EVL: variants seen among roughly 807,000 people sequenced by gnomAD.
The protein encoded by EVL is ena/VASP-like protein.
In EVL, 21 loss-of-function variants were observed where a neutral mutation model predicts 59.6. That is an observed-to-expected ratio of 0.35 (90% CI 0.25 to 0.51). The LOEUF (loss-of-function observed/expected upper bound fraction) is 0.51. Among genes scored for constraint, EVL ranks in the 20% least tolerant of loss-of-function variants. The pLI is 0.97. For missense variants in EVL, 462 were observed against 546.6 expected (o/e 0.85, Z 1.54); for synonymous variants, 198 against 203.5 (o/e 0.97, Z 0.23).
intron 1 of EVL, among the ~76,000 whole-genome samples, chr14:100,078,725 A>G (rs1262672695): frequency 1.3e-5 from 2 of 152,078 alleles, no homozygotes; most frequent in African/African-American, 4.8e-5. Flanking sequence ...GTGGTGAAAG[A>G]TAAAGGAGTT....
chr14:100,003,782 A>G (rs980526205), intron 1 of EVL, among the ~76,000 whole-genome samples: 3 of 152,232 alleles, frequency 2.0e-5, no homozygotes, highest in Admixed American at 6.5e-5. Flanking sequence ...ACCAAATTTA[A>G]TAATAATGGC....
At chr14:100,001,431 GTC>G (rs979272481) in intron 1 of EVL, among the ~76,000 whole-genome samples, 1 of 152,160 alleles carries the variant, frequency 6.6e-6, no homozygotes, top group East Asian at 1.9e-4. Context: ...AATAGAATTC[GTC>G]TCTCTCTCCA....
intron 10 of EVL, 42 bp downstream of exon 10, chr14:100,137,686 G>A: frequency 5.0e-6 from 8 of 1,613,954 alleles, no homozygotes; most frequent in Non-Finnish European, 6.8e-6. Context: ...GGCTGGTGGG[G>A]CAGAGGCGGG....
chr14:100,131,424 C>T lies in EVL; in HGVS notation c.840-1295C>T, dbSNP rs1242713834. 3.9e-5 allele frequency among the ~76,000 whole-genome samples: 6 copies of T among 152,158 alleles called. No homozygotes were observed. In the East Asian group the frequency reaches 5.8e-4, roughly 15 times the overall value. On this transcript the variant is annotated intron_variant, in intron 7 of 13. Transcript: ENST00000392920. ...CTCAGTGATGGCTACTGGGTGGAGC[C>T]GACGATGAAAGTGCCCTTGCCAGGT...
chr14:100,114,796 G>A lies in EVL; in HGVS notation c.359-8743G>A, dbSNP rs1169885396. On this transcript the variant is annotated intron_variant, in intron 3 of 13. Transcript: ENST00000392920. The surrounding 1 kb of genome is among the most constrained non-coding windows in gnomAD (Gnocchi z 5.0). ...CTCCTTTCACTCCCACCTGCTCCGG[G>A]GGTGGGGGTGGGAGTGCTGGATCTT... is the stretch of plus-strand genomic sequence containing the variant. Among the ~76,000 whole-genome samples, 1 of 152,150 alleles carries A rather than the reference G, an allele frequency of 6.6e-6. No individual in the cohort carries two copies. The highest frequency in any genetic ancestry group is 1.5e-5 in the Non-Finnish European group (1 of 68,018).
Position 100,110,101 on chromosome 14 carries a change from G to A in EVL, c.358+12443G>A, listed in dbSNP as rs374190927. Among the ~76,000 whole-genome samples, 11 of 152,342 alleles carry A rather than the reference G, an allele frequency of 7.2e-5. 1 individual carries two copies. Among genetic ancestry groups the A allele is most frequent in the African/African-American group, 1.7e-4 (7 of 41,574 alleles). On this transcript the variant is annotated intron_variant, in intron 3 of 13. Coordinates refer to ENST00000392920, the MANE Select transcript of EVL (RefSeq NM_016337.3). The stretch of plus-strand genomic sequence containing the variant: ...GCAAAGGTAACTAACAATATCAGCC[G>A]TGCACAGTGGCTCATGCCTGTAATC...
chr14:100,086,680 C>T (rs1032029174), intron 2 of EVL, among the ~76,000 whole-genome samples: 2 of 152,320 alleles, frequency 1.3e-5, no homozygotes, highest in East Asian at 1.9e-4. Flanking sequence ...TTCCCCACTC[C>T]GGGAGGGACT....
At chr14:100,141,302 G>A in intron 12 of EVL, 56 bp downstream of exon 12, 1 of 1,580,996 alleles carries the variant, frequency 6.3e-7, no homozygotes. Flanking sequence ...GCAGGCGGGG[G>A]ACCGTCTCTG....
At chr14:100,099,516 A>C (rs1566692672) in intron 3 of EVL, among the ~76,000 whole-genome samples, 1 of 152,226 alleles carries the variant, frequency 6.6e-6, no homozygotes, top group East Asian at 1.9e-4. Context: ...ACAATGCTCC[A>C]AAGTTTGTAG....
intron 1 of EVL, among the ~76,000 whole-genome samples, chr14:99,995,544 T>G (rs1418929378): frequency 2.0e-5 from 3 of 152,216 alleles, no homozygotes; most frequent in Non-Finnish European, 1.5e-5. Flanking sequence ...TCATTGAGCA[T>G]CCTTACAGTG....
chr14:100,126,096 C>T (rs1190156632), intron 4 of EVL, among the ~76,000 whole-genome samples: 2 of 152,214 alleles, frequency 1.3e-5, no homozygotes, highest in Non-Finnish European at 2.9e-5. Flanking sequence ...ATCTGGGCCT[C>T]AGTGTCCTCA....
chr14:99,986,956 G>A (rs1179607129), intron 1 of EVL, among the ~76,000 whole-genome samples: 1 of 152,062 alleles, frequency 6.6e-6, no homozygotes, highest in Non-Finnish European at 1.5e-5. Context: ...AACTCTTATG[G>A]GAGAAAATAC....
chr14:99,971,869 A>G (rs2060735196), exon 1 of EVL: 2 of 145,740 alleles, frequency 1.4e-5, no homozygotes, highest in South Asian at 3.8e-4. Flanking sequence ...CCTTCCCCGC[A>G]GCTAGCGGCC....
intron 1 of EVL, among the ~76,000 whole-genome samples, chr14:100,039,441 C>T (rs1303867113): frequency 3.3e-5 from 5 of 152,072 alleles, no homozygotes; most frequent in Admixed American, 2.0e-4. Context: ...TTTGCCATGT[C>T]GGTCAGGCTG....
chr14:99,986,903 T>C (rs989234017), intron 1 of EVL, among the ~76,000 whole-genome samples: 1 of 152,170 alleles, frequency 6.6e-6, no homozygotes, highest in African/African-American at 2.4e-5. Flanking sequence ...AAAATTCAAC[T>C]TAAAGTAGAT....
At chr14:100,011,613 A>T (rs2061017347) in intron 1 of EVL, among the ~76,000 whole-genome samples, 2 of 152,176 alleles carry the variant, frequency 1.3e-5, no homozygotes, top group South Asian at 2.1e-4. Flanking sequence ...TTGAGCATAT[A>T]AGCATCTTGG....
chr14:100,142,574 G>C (rs879555842), intron 13 of EVL, among the ~76,000 whole-genome samples: 3 of 152,184 alleles, frequency 2.0e-5, no homozygotes, highest in Non-Finnish European at 4.4e-5. Flanking sequence ...CACAGTGACC[G>C]GGGCAAAAGG....
intron 1 of EVL, among the ~76,000 whole-genome samples, chr14:99,984,684 G>A (rs916173629): frequency 2.0e-5 from 3 of 152,092 alleles, no homozygotes; most frequent in Non-Finnish European, 4.4e-5. Context: ...TGCGATCTCG[G>A]CTCACTGCAA....
chr14:100,032,701 G>A (rs1331548004), intron 1 of EVL, among the ~76,000 whole-genome samples: 2 of 152,038 alleles, frequency 1.3e-5, no homozygotes, highest in Admixed American at 1.3e-4. Context: ...ACCCAGCCCT[G>A]TGCATGCAGT....
Sources: allele counts gnomAD v4.1 joint callset (sites outside exome capture counted in the v4.1 genomes callset), GRCh38; gene constraint gnomAD v4.1.1; non-coding constraint Gnocchi (gnomAD v3.1); transcripts MANE v1.5; gene names NCBI Gene and HGNC (gene_info 2026-07-23, HGNC 2026-07-21).